CSMD1: variants seen among roughly 807,000 people sequenced by gnomAD.
CSMD1 encodes CUB and Sushi multiple domains 1.
CSMD1 carries 213 observed loss-of-function variants against 417.5 expected under a neutral mutation model. The observed-to-expected ratio is 0.51, with a 90% CI of 0.46 to 0.57. The LOEUF (loss-of-function observed/expected upper bound fraction) is 0.57, where lower values mean the gene tolerates loss of function less well. Among genes scored for constraint, CSMD1 ranks in the 20% least tolerant of loss-of-function variants. CSMD1 has a pLI of 0.00. For missense variants in CSMD1, 6,923 were observed against 4,529.7 expected (o/e 1.53, Z -15.17); for synonymous variants, 2,862 against 1,736.8 (o/e 1.65, Z -16.11).
intron 2 of CSMD1, among the ~76,000 whole-genome samples, chr8:4,534,212 A>G (rs572213447): frequency 2.0e-5 from 3 of 152,344 alleles, no homozygotes; most frequent in South Asian, 4.1e-4. Flanking sequence ...CACACCTGCT[A>G]TCTCAGAAAG....
intron 65 of CSMD1, among the ~76,000 whole-genome samples, chr8:2,952,916 G>C (rs547669752): frequency 6.6e-6 from 1 of 152,200 alleles, no homozygotes; most frequent in African/African-American, 2.4e-5. Context: ...CTTGTTGCTG[G>C]CAGCCCGCAG....
intron 1 of CSMD1, among the ~76,000 whole-genome samples, chr8:4,667,503 C>A (rs1348200982): frequency 6.6e-6 from 1 of 151,094 alleles, no homozygotes; most frequent in Non-Finnish European, 1.5e-5. Flanking sequence ...ACATGATATA[C>A]CCTCCTTTTA....
At chr8:3,292,133 A>G (rs1042410963) in intron 25 of CSMD1, among the ~76,000 whole-genome samples, 18 of 152,228 alleles carry the variant, frequency 1.2e-4, no homozygotes, top group African/African-American at 4.3e-4. Context: ...ATAGTTGAGC[A>G]GTGTTGAATG....
intron 3 of CSMD1, among the ~76,000 whole-genome samples, chr8:4,093,411 C>T (rs1005320543): frequency 2.0e-5 from 3 of 152,042 alleles, no homozygotes; most frequent in Non-Finnish European, 4.4e-5. Context: ...TTAAAGCCAA[C>T]AGAGGTGTAC....
chr8:3,178,977 T>C (rs1328433774), intron 37 of CSMD1, among the ~76,000 whole-genome samples: 1 of 148,370 alleles, frequency 6.7e-6, no homozygotes, highest in Admixed American at 6.8e-5. Context: ...AGACGGAGTC[T>C]CACTCTGTCA....
intron 5 of CSMD1, among the ~76,000 whole-genome samples, chr8:3,847,987 T>C (rs1803624710): frequency 6.6e-6 from 1 of 152,156 alleles, no homozygotes; most frequent in Admixed American, 6.6e-5. Flanking sequence ...TATTCATCTC[T>C]ATTCTGTGTA....
intron 52 of CSMD1, among the ~76,000 whole-genome samples, chr8:3,017,879 AG>A: frequency 6.6e-6 from 1 of 151,444 alleles, no homozygotes; most frequent in South Asian, 2.1e-4. Flanking sequence ...AAGGCAAGTA[AG>A]GTATTTTACA....
chr8:4,787,653 G>C lies in CSMD1; in HGVS notation c.86-150095C>G, dbSNP rs932749975. ...GGTTCTTTTCTCAAAAGAAATCCTG[G>C]TGTCAAGGAAGGATATAAGTTTACC... On this transcript the variant is annotated intron_variant, in intron 1 of 69. Transcript: ENST00000635120. 6.9e-6 allele frequency: 11 copies of C among 1,587,104 alleles called. No individual in the cohort carries two copies. In the Admixed American group the frequency reaches 1.0e-4, roughly 14 times the overall value.
chr8:4,841,819 G>A (rs1410874155), intron 1 of CSMD1, among the ~76,000 whole-genome samples: 2 of 144,082 alleles, frequency 1.4e-5, no homozygotes, highest in African/African-American at 5.0e-5. Context: ...GCTGAGGCAG[G>A]AGAATCGCTT....
At chr8:3,946,608 G>A (rs941332642) in intron 5 of CSMD1, among the ~76,000 whole-genome samples, 2 of 152,028 alleles carry the variant, frequency 1.3e-5, no homozygotes, top group Non-Finnish European at 1.5e-5. Context: ...GCTCTTGACT[G>A]GAATTGTGTT....
chr8:3,599,899 C>G (rs1285656602), intron 8 of CSMD1, among the ~76,000 whole-genome samples: 2 of 152,158 alleles, frequency 1.3e-5, no homozygotes, highest in African/African-American at 4.8e-5. Context: ...CTACCTTCCC[C>G]TTCCAGAGGA....
chr8:3,447,242 G>C (rs1210438755), intron 12 of CSMD1, among the ~76,000 whole-genome samples: 1 of 151,924 alleles, frequency 6.6e-6, no homozygotes, highest in Non-Finnish European at 1.5e-5. Flanking sequence ...CAAATTAACA[G>C]AAAATAGCAG....
At chr8:3,003,685 G>C (rs906013818) in intron 52 of CSMD1, among the ~76,000 whole-genome samples, 1 of 152,206 alleles carries the variant, frequency 6.6e-6, no homozygotes, top group African/African-American at 2.4e-5. Context: ...AGGAGCAGCT[G>C]TCACGTGCAG....
chr8:4,819,823 T>C (rs1402406964), intron 1 of CSMD1, among the ~76,000 whole-genome samples: 1 of 152,058 alleles, frequency 6.6e-6, no homozygotes, highest in Non-Finnish European at 1.5e-5. Context: ...GGAGGTTCCA[T>C]TCCTCCAACC....
intron 1 of CSMD1, among the ~76,000 whole-genome samples, chr8:4,978,278 T>A (rs1310529119): frequency 6.6e-6 from 1 of 152,148 alleles, no homozygotes; most frequent in Non-Finnish European, 1.5e-5. Flanking sequence ...GGTGGAGGTA[T>A]AGCAGCTTTT....
At chr8:4,789,824 T>A (rs181846825) in intron 1 of CSMD1, among the ~76,000 whole-genome samples, 105 of 152,324 alleles carry the variant, frequency 6.9e-4, no homozygotes, top group African/African-American at 2.4e-3. Flanking sequence ...CTATTTTGTT[T>A]ATGGAAAATA....
chr8:3,586,296 T>C (rs1488907829), intron 8 of CSMD1, 36 bp from the exon 9 acceptor site: 3 of 1,527,822 alleles, frequency 2.0e-6, no homozygotes, highest in East Asian at 2.3e-5. Context: ...AAACCCAAAT[T>C]ATTTACAGAA....
intron 3 of CSMD1, among the ~76,000 whole-genome samples, chr8:4,411,534 C>G (rs1438482821): frequency 5.3e-5 from 8 of 152,156 alleles, no homozygotes; most frequent in African/African-American, 1.7e-4. Context: ...CATTTCTTAA[C>G]TCTATAGTAT....
At chr8:3,953,842 G>C (rs774828971) in intron 5 of CSMD1, among the ~76,000 whole-genome samples, 1 of 152,174 alleles carries the variant, frequency 6.6e-6, no homozygotes, top group Non-Finnish European at 1.5e-5. Flanking sequence ...AGTTCCTAGA[G>C]AGCCTAATGT....
Sources: allele counts gnomAD v4.1 joint callset (sites outside exome capture counted in the v4.1 genomes callset), GRCh38; gene constraint gnomAD v4.1.1; transcripts MANE v1.5; gene names NCBI Gene and HGNC (gene_info 2026-07-23, HGNC 2026-07-21).